The following ZFAND3 variants were observed in gnomAD, a reference collection of about 807,000 sequenced individuals.
ZFAND3 encodes the protein zinc finger AN1-type containing 3, also known as AN1-type zinc finger protein 3.
ZFAND3 carries 10 observed loss-of-function variants against 29.6 expected under a neutral mutation model. The observed-to-expected ratio is 0.34, with a 90% confidence interval of 0.21 to 0.57. ZFAND3 has a LOEUF of 0.57. ZFAND3 is among the 20% of genes least tolerant of loss of function. The pLI is 0.86. For synonymous variants in ZFAND3, 128 were observed against 112.6 expected, an observed-to-expected ratio of 1.14 and a Z score of -0.87; for missense variants, 230 against 304.5, an observed-to-expected ratio of 0.76 and a Z score of 1.82.
intron 2 of ZFAND3, among the ~76,000 whole-genome samples, chr6:37,962,848 C>G (rs560192054): frequency 6.6e-6 from 1 of 152,128 alleles, no homozygotes; most frequent in Non-Finnish European, 1.5e-5. Flanking sequence ...TCTTTGGGTC[C>G]GCACTGCCTT....
intron 1 of ZFAND3, among the ~76,000 whole-genome samples, chr6:37,909,776 T>A (rs898881433): frequency 6.6e-6 from 1 of 152,158 alleles, no homozygotes; most frequent in African/African-American, 2.4e-5. Context: ...TACTTCCATT[T>A]CTTTTCCTGG....
intron 3 of ZFAND3, among the ~76,000 whole-genome samples, chr6:38,081,543 A>G (rs1012532749): frequency 7.9e-5 from 12 of 152,170 alleles, no homozygotes; most frequent in African/African-American, 2.9e-4. Flanking sequence ...TGCTAGTCAC[A>G]GTCACCTGGG....
At chr6:38,010,614 T>G (rs1340382545) in intron 2 of ZFAND3, among the ~76,000 whole-genome samples, 2 of 151,634 alleles carry the variant, frequency 1.3e-5, no homozygotes, top group East Asian at 1.9e-4. Flanking sequence ...TTTTTTTTTT[T>G]TCCGAGACAG....
chr6:38,112,910 T>G (rs1399564544), intron 4 of ZFAND3, among the ~76,000 whole-genome samples: 2 of 152,244 alleles, frequency 1.3e-5, no homozygotes, highest in South Asian at 2.1e-4. Context: ...ATTAAAACAC[T>G]AAGTTGACTT....
intron 1 of ZFAND3, among the ~76,000 whole-genome samples, chr6:37,820,349 G>T (rs1283896548): frequency 6.6e-6 from 1 of 152,236 alleles, no homozygotes; most frequent in Admixed American, 6.5e-5. Flanking sequence ...GGAGGAGCAG[G>T]GGTGCCCCTT....
intron 4 of ZFAND3, among the ~76,000 whole-genome samples, chr6:38,109,584 G>T (rs1044251248): frequency 1.3e-5 from 2 of 151,996 alleles, no homozygotes; most frequent in African/African-American, 4.8e-5. Context: ...ATAGTCACTT[G>T]TTTCTGGTAT....
chr6:37,835,800 TCA>T (rs919928789), intron 1 of ZFAND3, among the ~76,000 whole-genome samples: 1 of 152,182 alleles, frequency 6.6e-6, no homozygotes, highest in African/African-American at 2.4e-5. Context: ...CTCAGTTTTT[TCA>T]GTTAACGTAT....
At chr6:38,116,504 T>TA in intron 4 of ZFAND3, 68 bp from the exon 5 acceptor site, 1 of 1,522,628 alleles carries the variant, frequency 6.6e-7, no homozygotes. Context: ...TGCCTGGAAA[T>TA]ACATTAATCA....
chr6:37,964,790 C>T (rs1762261694), intron 2 of ZFAND3, among the ~76,000 whole-genome samples: 1 of 152,110 alleles, frequency 6.6e-6, no homozygotes, highest in African/African-American at 2.4e-5. Context: ...GACTCTATGG[C>T]TTAGTGATTA....
At chr6:37,896,557 T>TCTTTC (rs1161864317) in intron 1 of ZFAND3, among the ~76,000 whole-genome samples, 1 of 149,294 alleles carries the variant, frequency 6.7e-6, no homozygotes, top group African/African-American at 2.5e-5. Context: ...TTTCTTTCTT[T>TCTTTC]CTTTCTTTCT....
intron 4 of ZFAND3, among the ~76,000 whole-genome samples, chr6:38,115,194 G>A (rs1474050814): frequency 1.3e-5 from 2 of 152,220 alleles, no homozygotes; most frequent in East Asian, 3.8e-4. Context: ...AGGGGCCTGG[G>A]TGATAAAAGA....
intron 2 of ZFAND3, among the ~76,000 whole-genome samples, chr6:37,960,791 A>G (rs1762181528): frequency 6.6e-6 from 1 of 152,044 alleles, no homozygotes; most frequent in African/African-American, 2.4e-5. Context: ...CCTTGGGAAA[A>G]AAAATTGACT....
At chr6:38,093,447 AG>A (rs1764912272) in intron 4 of ZFAND3, among the ~76,000 whole-genome samples, 2 of 152,220 alleles carry the variant, frequency 1.3e-5, no homozygotes, top group African/African-American at 4.8e-5. Flanking sequence ...TATAAATATG[AG>A]CCTGTTTTAG....
chr6:37,941,268 A>G (rs1761805303), intron 2 of ZFAND3, among the ~76,000 whole-genome samples: 1 of 152,230 alleles, frequency 6.6e-6, no homozygotes, highest in Admixed American at 6.5e-5. Flanking sequence ...TGTACTGTGA[A>G]AACCAAAGCT....
chr6:38,064,222 A>G (rs1007160721), intron 3 of ZFAND3, among the ~76,000 whole-genome samples: 16 of 152,224 alleles, frequency 1.1e-4, no homozygotes, highest in African/African-American at 3.6e-4. Flanking sequence ...ATTCGTGCAT[A>G]CCAGGATCGG....
chr6:38,042,362 T>C (rs1245665673), intron 2 of ZFAND3, among the ~76,000 whole-genome samples: 1 of 148,458 alleles, frequency 6.7e-6, no homozygotes, highest in Non-Finnish European at 1.5e-5. Context: ...TCACTCAGGC[T>C]GGAGTGCAGT....
Position 38,153,195 on chromosome 6 carries a change from T to G in ZFAND3, c.*806T>G. 2.0e-6 allele frequency: 2 copies of G among 985,484 alleles called. No individual in the cohort carries two copies. Among genetic ancestry groups the G allele is most frequent in the Non-Finnish European group, 2.4e-6 (2 of 829,928 alleles). The allele number at this position is 985,484 out of a possible 1,614,324, so 61.0% of individuals were successfully genotyped here. On this transcript the variant is annotated 3_prime_UTR_variant, in exon 6 of 6. Coordinates refer to ENST00000287218, the MANE Select transcript of ZFAND3 (RefSeq NM_021943.3). ...GCAGGGATCTGGCACGGACCAGATGTGGCGAATGGCAGCACAGCGCGGTGG... is the reference window on the plus strand; with the variant it reads ...GCAGGGATCTGGCACGGACCAGATGGGGCGAATGGCAGCACAGCGCGGTGG...
intron 1 of ZFAND3, among the ~76,000 whole-genome samples, chr6:37,889,389 T>C (rs1056009513): frequency 2.6e-5 from 4 of 152,182 alleles, no homozygotes; most frequent in African/African-American, 7.2e-5. Flanking sequence ...AATAATGGAT[T>C]GCTATACTGG....
At chr6:37,876,177 G>A (rs1764789847) in intron 1 of ZFAND3, among the ~76,000 whole-genome samples, 1 of 152,152 alleles carries the variant, frequency 6.6e-6, no homozygotes, top group Non-Finnish European at 1.5e-5. Context: ...TTTAAATTGA[G>A]TTAATATTCT....
Sources: gnomAD v4.1 joint callset for allele counts (sites outside exome capture counted in the v4.1 genomes callset) on GRCh38, gnomAD v4.1.1 for gene constraint, MANE v1.5 for transcripts, NCBI Gene and HGNC (gene_info 2026-07-23, HGNC 2026-07-21) for gene names.